SIK2: variants seen among roughly 807,000 people sequenced by gnomAD.
SIK2 encodes serine/threonine-protein kinase SIK2.
SIK2 carries 29 observed loss-of-function variants against 103.2 expected under a neutral mutation model. The observed-to-expected ratio is 0.28, with a 90% CI of 0.21 to 0.38. The LOEUF (loss-of-function observed/expected upper bound fraction) is 0.38. Among genes scored for constraint, SIK2 ranks in the 10% least tolerant of loss-of-function variants. The pLI is 1.00. For missense variants in SIK2, 879 were observed against 1,171.0 expected (o/e 0.75, Z 3.64); for synonymous variants, 412 against 446.1 (o/e 0.92, Z 0.96).
intron 4 of SIK2, among the ~76,000 whole-genome samples, chr11:111,692,383 A>AAAAAAAAAAAG (rs1942965999): frequency 7.4e-6 from 1 of 134,844 alleles, no homozygotes; most frequent in Non-Finnish European, 1.6e-5. Flanking sequence ...AAAAAAAAAA[A>AAAAAAAAAAAG]AAAAACACAA....
chr11:111,684,506 G>A (rs1017036644), intron 3 of SIK2, among the ~76,000 whole-genome samples: 27 of 152,058 alleles, frequency 1.8e-4, no homozygotes, highest in Admixed American at 6.6e-4. Flanking sequence ...CTCATTTAGC[G>A]GTACAGCTTA....
chr11:111,721,716 A>T, intron 12 of SIK2, 114 bp from the exon 13 acceptor site: 1 of 680,268 alleles, frequency 1.5e-6, no homozygotes, highest in Non-Finnish European at 2.4e-6. Flanking sequence ...GAGTATTAAT[A>T]AGTCTCAGTG....
At position 111,730,535 on chromosome 11, in the gene SIK2, G is replaced by C. The variant is rs1005963128; in HGVS notation, c.*6406G>C. The C allele has an allele frequency of 2.6e-5, 4 of 152,142 alleles. No homozygotes were observed. The highest frequency in any genetic ancestry group is 7.2e-5 in the African/African-American group (3 of 41,420). The allele number at this position is 152,142 out of a possible 1,614,324, so 9.4% of individuals were successfully genotyped here. ...AGGTGGGTGGTTTTGCTGGATGTTT[G>C]GTCTGAAAGAGTTACTTTTGATAAA... On this transcript the variant is annotated 3_prime_UTR_variant, in exon 15 of 15. Transcript: ENST00000304987.
chr11:111,639,907 T>G (rs1219289712), intron 3 of SIK2, among the ~76,000 whole-genome samples: 1 of 152,182 alleles, frequency 6.6e-6, no homozygotes, highest in African/African-American at 2.4e-5. Flanking sequence ...CCAGCCACCT[T>G]GGACACTGCC....
intron 3 of SIK2, among the ~76,000 whole-genome samples, chr11:111,687,244 C>T (rs554006282): frequency 2.0e-5 from 3 of 151,890 alleles, no homozygotes; most frequent in Non-Finnish European, 2.9e-5. Flanking sequence ...AGGCTGGGCA[C>T]GGTGGCTCAC....
intron 3 of SIK2, among the ~76,000 whole-genome samples, chr11:111,628,351 A>G (rs529920694): frequency 1.6e-4 from 24 of 151,194 alleles, no homozygotes; most frequent in Non-Finnish European, 3.0e-4. Context: ...GTTACGGATG[A>G]TACAGTCCCC....
chr11:111,660,549 A>G (rs1168152571), intron 3 of SIK2, among the ~76,000 whole-genome samples: 1 of 152,226 alleles, frequency 6.6e-6, no homozygotes, highest in African/African-American at 2.4e-5. Context: ...GTACCCTGAA[A>G]TATATCTGGT....
At chr11:111,654,267 C>T (rs913311810) in intron 3 of SIK2, among the ~76,000 whole-genome samples, 3 of 152,036 alleles carry the variant, frequency 2.0e-5, no homozygotes, top group Non-Finnish European at 2.9e-5. Context: ...AGAAAAAACC[C>T]GGCTGTCAGA....
At chr11:111,611,809 C>T (rs563996511) in intron 1 of SIK2, among the ~76,000 whole-genome samples, 25 of 152,138 alleles carry the variant, frequency 1.6e-4, no homozygotes, top group Non-Finnish European at 3.2e-4. Flanking sequence ...TTCTTGTTAC[C>T]ATGCAGATTT....
chr11:111,660,159 C>A (rs1942448686), intron 3 of SIK2, among the ~76,000 whole-genome samples: 1 of 152,074 alleles, frequency 6.6e-6, no homozygotes, highest in Non-Finnish European at 1.5e-5. Context: ...CAAAATATAC[C>A]ATTTCTATAC....
intron 3 of SIK2, among the ~76,000 whole-genome samples, chr11:111,647,018 T>A (rs1942266419): frequency 6.6e-6 from 1 of 152,246 alleles, no homozygotes; most frequent in African/African-American, 2.4e-5. Flanking sequence ...GATACATGTT[T>A]AACTACTTTA....
At chr11:111,609,974 AG>A (rs2135830110) in intron 1 of SIK2, among the ~76,000 whole-genome samples, 1 of 152,330 alleles carries the variant, frequency 6.6e-6, no homozygotes, top group East Asian at 1.9e-4. Flanking sequence ...ATAGGACTGG[AG>A]TAAATATTAT....
intron 3 of SIK2, among the ~76,000 whole-genome samples, chr11:111,627,247 A>G (rs1169948566): frequency 1.3e-5 from 2 of 152,286 alleles, no homozygotes; most frequent in Non-Finnish European, 2.9e-5. Flanking sequence ...AACATTAATC[A>G]AGTAGTGAAA....
intron 3 of SIK2, among the ~76,000 whole-genome samples, chr11:111,665,594 C>A (rs1010866534): frequency 3.9e-5 from 6 of 151,976 alleles, no homozygotes; most frequent in African/African-American, 1.4e-4. Flanking sequence ...GATGCCAAGG[C>A]GGGCAGATTG....
chr11:111,641,978 T>A (rs1459426554), intron 3 of SIK2, among the ~76,000 whole-genome samples: 1 of 152,228 alleles, frequency 6.6e-6, no homozygotes, highest in Non-Finnish European at 1.5e-5. Context: ...AAATTTCTGG[T>A]ACTACAGTAC....
At chr11:111,685,090 C>T (rs1382591013) in intron 3 of SIK2, among the ~76,000 whole-genome samples, 1 of 152,234 alleles carries the variant, frequency 6.6e-6, no homozygotes. Context: ...CTTCAAAACA[C>T]TATGTGTTAG....
chr11:111,692,387 A>C (rs866308351), intron 4 of SIK2, among the ~76,000 whole-genome samples: 175 of 113,468 alleles, frequency 1.5e-3, no homozygotes, highest in South Asian at 2.1e-3. Context: ...AAAAAAAAAA[A>C]ACACAAAAAG....
At chr11:111,658,711 A>T (rs372864135) in intron 3 of SIK2, among the ~76,000 whole-genome samples, 5 of 152,252 alleles carry the variant, frequency 3.3e-5, no homozygotes, top group African/African-American at 1.2e-4. Context: ...ACTGCACTCC[A>T]GCTTGGGTGA....
intron 3 of SIK2, among the ~76,000 whole-genome samples, chr11:111,651,444 C>T (rs528077753): frequency 6.6e-6 from 1 of 152,292 alleles, no homozygotes; most frequent in East Asian, 1.9e-4. Flanking sequence ...AAAAGCCAAA[C>T]ACCACATGTT....
Sources: allele counts gnomAD v4.1 joint callset (sites outside exome capture counted in the v4.1 genomes callset), GRCh38; gene constraint gnomAD v4.1.1; transcripts MANE v1.5; gene names NCBI Gene and HGNC (gene_info 2026-07-23, HGNC 2026-07-21).